The following SDK1 variants were observed in gnomAD, a reference collection of about 807,000 sequenced individuals.
SDK1 encodes the protein protein sidekick-1.
A neutral mutation model predicts 245.5 loss-of-function variants in SDK1; 157 were observed. The ratio of observed to expected loss-of-function variants is 0.64; its 90% CI spans 0.56 to 0.73. SDK1 has a LOEUF of 0.73. Ranked by LOEUF, SDK1 falls within the 30% of genes least tolerant of loss-of-function variation. The pLI is 0.00. For synonymous variants in SDK1, 1,647 were observed against 1,278.5 expected, an observed-to-expected ratio of 1.29 and a Z score of -6.15; for missense variants, 3,583 against 3,002.3, an observed-to-expected ratio of 1.19 and a Z score of -4.52.
chr7:3,763,318 A>G (rs923630771), intron 4 of SDK1, among the ~76,000 whole-genome samples: 2 of 152,130 alleles, frequency 1.3e-5, no homozygotes, highest in African/African-American at 4.8e-5. Context: ...TAAGCATACA[A>G]CTCGATCATT....
At chr7:3,598,128 T>G (rs1781128049) in intron 1 of SDK1, among the ~76,000 whole-genome samples, 1 of 152,256 alleles carries the variant, frequency 6.6e-6, no homozygotes, top group South Asian at 2.1e-4. Flanking sequence ...TTTAGCCACT[T>G]ATAGTTTCTG....
chr7:3,828,496 T>C (rs994245958), intron 5 of SDK1, among the ~76,000 whole-genome samples: 4 of 152,010 alleles, frequency 2.6e-5, no homozygotes, highest in African/African-American at 9.6e-5. Flanking sequence ...TTTTAAAATA[T>C]AAAACCTATT....
intron 14 of SDK1, among the ~76,000 whole-genome samples, chr7:3,992,052 G>A (rs565111180): frequency 1.1e-4 from 16 of 152,296 alleles, no homozygotes; most frequent in African/African-American, 2.9e-4. Context: ...CTGTCCCTCC[G>A]GCTACTTGGG....
intron 1 of SDK1, among the ~76,000 whole-genome samples, chr7:3,579,712 A>G (rs1483385698): frequency 6.6e-6 from 1 of 152,214 alleles, no homozygotes; most frequent in South Asian, 2.1e-4. Context: ...ACACCCTGTC[A>G]GTTGGAATGT....
intron 4 of SDK1, among the ~76,000 whole-genome samples, chr7:3,725,882 T>C (rs1220504409): frequency 1.3e-5 from 2 of 152,238 alleles, no homozygotes; most frequent in Non-Finnish European, 2.9e-5. Flanking sequence ...TCCAATCGTA[T>C]TGAACAGTCA....
intron 4 of SDK1, among the ~76,000 whole-genome samples, chr7:3,723,266 G>A (rs1178671109): frequency 6.6e-6 from 1 of 152,236 alleles, no homozygotes; most frequent in East Asian, 1.9e-4. Context: ...CTTTGAGTAT[G>A]GAGGTAGAGA....
chr7:3,607,681 C>T (rs565035239), intron 1 of SDK1, among the ~76,000 whole-genome samples: 6 of 152,318 alleles, frequency 3.9e-5, no homozygotes, highest in South Asian at 2.1e-4. Flanking sequence ...ACATTTAAGA[C>T]GGTGGCCTGA....
At chr7:3,541,689 C>T (rs1000955850) in intron 1 of SDK1, among the ~76,000 whole-genome samples, 3 of 152,166 alleles carry the variant, frequency 2.0e-5, no homozygotes, top group African/African-American at 7.2e-5. Context: ...CTAATTTCTG[C>T]ATCTAGGCAT....
chr7:3,986,868 C>T (rs10247536), intron 13 of SDK1, among the ~76,000 whole-genome samples: 67,207 of 151,998 alleles, frequency 0.44, 16,439 homozygotes, highest in African/African-American at 0.66. Flanking sequence ...TTATAAAAAA[C>T]AGAAAATAAT....
At chr7:3,800,762 T>A (rs890935238) in intron 4 of SDK1, among the ~76,000 whole-genome samples, 1 of 152,114 alleles carries the variant, frequency 6.6e-6, no homozygotes, top group African/African-American at 2.4e-5. Flanking sequence ...CTCCTAAATA[T>A]ACACACACCC....
intron 1 of SDK1, among the ~76,000 whole-genome samples, chr7:3,613,771 T>C (rs1054874797): frequency 1.3e-5 from 2 of 152,104 alleles, no homozygotes; most frequent in African/African-American, 4.8e-5. Flanking sequence ...GTGGTACATA[T>C]ACACCATGGA....
chr7:3,541,557 C>A (rs1399933381), intron 1 of SDK1, among the ~76,000 whole-genome samples: 1 of 152,218 alleles, frequency 6.6e-6, no homozygotes, highest in East Asian at 1.9e-4. Flanking sequence ...ATCCCTAAGA[C>A]CTTCTTACCA....
At chr7:3,598,879 G>A (rs547838445) in intron 1 of SDK1, among the ~76,000 whole-genome samples, 9 of 152,138 alleles carry the variant, frequency 5.9e-5, no homozygotes, top group South Asian at 2.1e-4. Flanking sequence ...GACGTGGGCT[G>A]TATTTAGCTT....
intron 1 of SDK1, among the ~76,000 whole-genome samples, chr7:3,588,906 T>C (rs1018753610): frequency 6.6e-6 from 1 of 152,234 alleles, no homozygotes; most frequent in Non-Finnish European, 1.5e-5. Context: ...GTGTTTTGGC[T>C]TATCAAAAAT....
intron 1 of SDK1, among the ~76,000 whole-genome samples, chr7:3,348,528 G>T (rs1455357444): frequency 6.6e-6 from 1 of 152,134 alleles, no homozygotes; most frequent in Non-Finnish European, 1.5e-5. Flanking sequence ...GATGGGAACA[G>T]TAGACACTTG....
chr7:4,265,562 A>G lies in SDK1; in HGVS notation c.*178A>G, dbSNP rs1788417217. Reference sequence around the variant, plus strand: ...ATTTCAATTAGGAAGGTTTTTTTAAACGGCTTTTTGTAACTTCGCTGCAGG... The same window carrying G: ...ATTTCAATTAGGAAGGTTTTTTTAAGCGGCTTTTTGTAACTTCGCTGCAGG... On this transcript the variant is annotated 3_prime_UTR_variant, in exon 45 of 45. Coordinates refer to ENST00000404826, the MANE Select transcript of SDK1 (RefSeq NM_152744.4). The G allele has an allele frequency of 7.4e-7, 1 of 1,343,802 alleles. No individual in the cohort carries two copies. Among genetic ancestry groups the G allele is most frequent in the South Asian group, 2.1e-5 (1 of 47,970 alleles). 83.2% of individuals were successfully genotyped at this position (1,343,802 alleles called of 1,614,324 possible). A position where few individuals can be genotyped will look rare whatever the true frequency, so the allele number is the denominator to read the frequency against.
intron 17 of SDK1, among the ~76,000 whole-genome samples, chr7:4,027,442 A>T (rs1787445674): frequency 6.6e-6 from 1 of 152,240 alleles, no homozygotes; most frequent in African/African-American, 2.4e-5. Flanking sequence ...GATACTAAGT[A>T]GGATGTAGAA....
chr7:3,860,159 A>G (rs1047144031), intron 5 of SDK1, among the ~76,000 whole-genome samples: 4 of 152,150 alleles, frequency 2.6e-5, no homozygotes, highest in African/African-American at 9.7e-5. Context: ...TGACCTCGTG[A>G]TCCGCCTGCC....
At chr7:3,477,351 A>G (rs918401627) in intron 1 of SDK1, among the ~76,000 whole-genome samples, 7 of 146,160 alleles carry the variant, frequency 4.8e-5, no homozygotes, top group African/African-American at 1.5e-4. Flanking sequence ...GTGCGCCACC[A>G]CACCTGGTGA....
Sources: allele counts gnomAD v4.1 joint callset (sites outside exome capture counted in the v4.1 genomes callset), GRCh38; gene constraint gnomAD v4.1.1; transcripts MANE v1.5; gene names NCBI Gene and HGNC (gene_info 2026-07-23, HGNC 2026-07-21).